The following COMT variants were observed in gnomAD, a reference collection of about 807,000 sequenced individuals.
COMT encodes the protein catechol O-methyltransferase.
In COMT, 13 loss-of-function variants were observed where a neutral mutation model predicts 18.9. That is an observed-to-expected ratio of 0.69 (90% CI 0.45 to 1.09). The LOEUF (loss-of-function observed/expected upper bound fraction) is 1.09. COMT is among the 50% of genes least tolerant of loss of function. COMT has a pLI of 0.00. For synonymous variants in COMT, 150 were observed against 160.9 expected, an observed-to-expected ratio of 0.93 and a Z score of 0.51; for missense variants, 329 against 361.8, an observed-to-expected ratio of 0.91 and a Z score of 0.73.
chr22:19,954,424 C>T (rs5992500), intron 1 of COMT, among the ~76,000 whole-genome samples: 7,250 of 152,210 alleles, frequency 0.048, 496 homozygotes, highest in African/African-American at 0.15. Flanking sequence ...AGAGCAGCCA[C>T]GGACAATGTC....
At chr22:19,949,958 A>C (rs530544509) in intron 1 of COMT, among the ~76,000 whole-genome samples, 157 of 152,330 alleles carry the variant, frequency 1.0e-3, no homozygotes, top group African/African-American at 3.6e-3. Flanking sequence ...TCTGTACCAT[A>C]TAAAAATAAG....
chr22:19,956,137 C>CTTTTTTTTTTTTTTTTTTTTTTTT (rs71186638), intron 1 of COMT, among the ~76,000 whole-genome samples: 6 of 84,818 alleles, frequency 7.1e-5, no homozygotes, highest in African/African-American at 1.9e-4. Flanking sequence ...TTCTTTTTTT[C>CTTTTTTTTTTTTTTTTTTTTTTTT]TTTTTTTTTT....
intron 5 of COMT, chr22:19,967,802 T>C (rs922893061): frequency 8.9e-6 from 2 of 224,160 alleles, no homozygotes; most frequent in East Asian, 2.5e-4. Context: ...AAACACTTCC[T>C]CTCAAGGTTT....
intron 2 of COMT, chr22:19,962,284 G>A: frequency 1.6e-6 from 1 of 611,410 alleles, no homozygotes; most frequent in East Asian, 2.9e-5. Context: ...GTGTGACCCT[G>A]CAGGCTCCAC....
At chr22:19,961,736 CCTGTGCT>C (rs1942196372) in intron 2 of COMT, 1 of 152,366 alleles carries the variant, frequency 6.6e-6, no homozygotes, top group Non-Finnish European at 1.5e-5. Flanking sequence ...CCTCAGGCCT[CCTGTGCT>C]CTGCTCTCTG....
intron 1 of COMT, among the ~76,000 whole-genome samples, chr22:19,954,582 A>AGCT (rs1942020325): frequency 1.3e-5 from 2 of 152,018 alleles, no homozygotes; most frequent in Non-Finnish European, 2.9e-5. Context: ...CCTCCCAAGT[A>AGCT]GCTGGGATTA....
intron 1 of COMT, among the ~76,000 whole-genome samples, chr22:19,946,984 C>T (rs1203148341): frequency 2.1e-5 from 3 of 141,868 alleles, no homozygotes; most frequent in Non-Finnish European, 4.5e-5. Context: ...GGCACGATCT[C>T]GGCTCACTGC....
chr22:19,955,667 T>C (rs1942041893), intron 1 of COMT, among the ~76,000 whole-genome samples: 1 of 152,232 alleles, frequency 6.6e-6, no homozygotes, highest in African/African-American at 2.4e-5. Context: ...CCTGTGGCTC[T>C]ATGCTTGTCT....
intron 1 of COMT, among the ~76,000 whole-genome samples, chr22:19,956,867 TC>T (rs1942075821): frequency 6.6e-6 from 1 of 151,994 alleles, no homozygotes; most frequent in Admixed American, 6.6e-5. Flanking sequence ...TGGCCACTGT[TC>T]CAGCCATAGT....
chr22:19,945,115 T>C (rs1483930936), intron 1 of COMT, among the ~76,000 whole-genome samples: 6 of 152,220 alleles, frequency 3.9e-5, no homozygotes, highest in African/African-American at 1.4e-4. Flanking sequence ...ATTGAGCTTT[T>C]TAAAGCCTTT....
intron 1 of COMT, among the ~76,000 whole-genome samples, chr22:19,953,586 C>T (rs1322459236): frequency 2.0e-5 from 3 of 152,192 alleles, no homozygotes; most frequent in Admixed American, 1.3e-4. Context: ...AGCCACTGCA[C>T]CCAGCCGGCT....
In COMT at chr22:19,963,558, C is replaced by T. The variant is rs775710293; in HGVS notation, c.290-8C>T. 1.2e-5 allele frequency: 20 copies of T among 1,611,354 alleles called. No homozygotes were observed. The highest frequency in any genetic ancestry group is 1.6e-5 in the Non-Finnish European group (19 of 1,179,960). On this transcript the variant is annotated splice_polypyrimidine_tract_variant and splice_region_variant and intron_variant, in intron 3 of 5. Transcript: ENST00000361682. The stretch of plus-strand genomic sequence containing the variant: ...GCTCACCTCTCCTCCGTCCCCAACC[C>T]TGCACAGGCAAGATCGTGGACGCCG...
At chr22:19,954,948 AG>A in intron 1 of COMT, among the ~76,000 whole-genome samples, 1 of 152,192 alleles carries the variant, frequency 6.6e-6, no homozygotes, top group East Asian at 1.9e-4. Context: ...CAGTGGCAGG[AG>A]GGGGACACTC....
chr22:19,962,623 C>A lies in COMT; in HGVS notation c.97C>A (p.Leu33Met). Residue 33 changes from leucine to methionine, a missense_variant, in exon 3 of 6, where the codon CTG becomes ATG. Coordinates refer to ENST00000361682, the MANE Select transcript of COMT (RefSeq NM_000754.4). ...LLLLRHWGWG[L>M]CLIGWNEFIL... is the part of the protein sequence containing the mutation. ...GCTTCTGAGGCACTGGGGCTGGGGC[C>A]TGTGCCTTATCGGCTGGAACGAGTT... 3 of 1,605,124 alleles carry A rather than the reference C, an allele frequency of 1.9e-6. No individual in the cohort carries two copies. Among genetic ancestry groups the A allele is most frequent in the Non-Finnish European group, 2.6e-6 (3 of 1,176,144 alleles).
intron 5 of COMT, chr22:19,967,034 A>C: frequency 8.3e-7 from 1 of 1,204,218 alleles, no homozygotes; most frequent in Non-Finnish European, 1.1e-6. Context: ...GTCGGGCGAC[A>C]GGCAGGACAG....
rs1601501621 is a variant in COMT at position 19,941,939 on chromosome 22, C to T, written c.-92+42C>T. On this transcript the variant is annotated intron_variant, in intron 1 of 5. Coordinates refer to ENST00000361682, the MANE Select transcript of COMT (RefSeq NM_000754.4). The stretch of plus-strand genomic sequence containing the variant: ...GACCGGGGCCGAATGCGGCCGGATT[C>T]GGGGCGGGGGCCTTCAGACCTAGGG... 5 of 894,754 alleles carry T rather than the reference C, an allele frequency of 5.6e-6. No individual in the cohort carries two copies. The East Asian group carries it at 1.0e-4, about 19-fold the overall frequency. 55.4% of individuals were successfully genotyped at this position (894,754 alleles called of 1,614,324 possible). A position where few individuals can be genotyped will look rare whatever the true frequency, so the allele number is the denominator to read the frequency against.
chr22:19,960,757 G>A (rs1234301180), intron 1 of COMT, among the ~76,000 whole-genome samples: 2 of 152,272 alleles, frequency 1.3e-5, no homozygotes, highest in African/African-American at 2.4e-5. Context: ...GTTGGCCACT[G>A]TGACCTATCT....
Position 19,963,692 on chromosome 22 carries a change from T to C in COMT, c.416T>C (p.Ile139Thr). The change falls in exon 4 of 6, where the codon ATC becomes ACC. Residue 139 changes from isoleucine (I) to threonine (T), a missense_variant. By Grantham distance (89) the Ile-to-Thr change is moderately conservative. Coordinates refer to ENST00000361682, the MANE Select transcript of COMT (RefSeq NM_000754.4). ...TCACCAGGGGCGAGGCTCATCACCA[T>C]CGAGATCAACCCCGACTGTGCCGCC... is the stretch of plus-strand genomic sequence containing the variant. Reference protein sequence around the residue: ...LLSPGARLITIEINPDCAAIT... With the variant: ...LLSPGARLITTEINPDCAAIT... The C allele has an allele frequency of 6.2e-7, 1 of 1,612,610 alleles. No individual in the cohort carries two copies. The highest frequency in any genetic ancestry group is 8.5e-7 in the Non-Finnish European group (1 of 1,179,896).
intron 2 of COMT, 168 bp from the exon 3 acceptor site, chr22:19,962,359 T>C: frequency 8.0e-7 from 1 of 1,248,602 alleles, no homozygotes; most frequent in Non-Finnish European, 1.1e-6. Flanking sequence ...ACGAGAAGGC[T>C]GGCTCCCTGG....
Sources: allele counts gnomAD v4.1 joint callset (sites outside exome capture counted in the v4.1 genomes callset), GRCh38; gene constraint gnomAD v4.1.1; transcripts MANE v1.5; gene names NCBI Gene and HGNC (gene_info 2026-07-23, HGNC 2026-07-21).